Variants in BCAT1 observed in about 807,000 individuals in gnomAD.
The protein encoded by BCAT1 is branched-chain-amino-acid aminotransferase, cytosolic.
A neutral mutation model predicts 52.4 loss-of-function variants in BCAT1; 48 were observed. That is an observed-to-expected ratio of 0.92 (90% CI 0.73 to 1.16). The LOEUF (loss-of-function observed/expected upper bound fraction) is 1.16. Ranked by LOEUF, BCAT1 falls within the 50% of genes most tolerant of loss-of-function variation. The pLI, the probability that BCAT1 is intolerant of heterozygous loss-of-function variation, is 0.00. For missense variants in BCAT1, 451 were observed against 457.1 expected, an observed-to-expected ratio of 0.99 and a Z score of 0.12; for synonymous variants, 167 against 161.3, an observed-to-expected ratio of 1.04 and a Z score of -0.27.
intron 1 of BCAT1, among the ~76,000 whole-genome samples, chr12:24,932,304 T>C (rs1055610779): frequency 1.3e-5 from 2 of 152,188 alleles, no homozygotes; most frequent in Non-Finnish European, 2.9e-5. Flanking sequence ...GTGGCTCCAC[T>C]CCTGAAATCT....
At chr12:24,838,273 A>G (rs1176519377) in intron 7 of BCAT1, among the ~76,000 whole-genome samples, 1 of 152,242 alleles carries the variant, frequency 6.6e-6, no homozygotes, top group Admixed American at 6.5e-5. Context: ...TGAGTAAAAA[A>G]TAAACGAATA....
chr12:24,836,721 G>A (rs371178621), intron 7 of BCAT1, 125 bp from the exon 8 acceptor site: 4 of 734,026 alleles, frequency 5.4e-6, no homozygotes, highest in African/African-American at 3.6e-5. Flanking sequence ...AAATTTTACT[G>A]TTCTGCATGA....
At chr12:24,884,907 T>C (rs1056691401) in intron 3 of BCAT1, among the ~76,000 whole-genome samples, 4 of 152,228 alleles carry the variant, frequency 2.6e-5, no homozygotes, top group African/African-American at 7.2e-5. Context: ...TCTGATTTTT[T>C]AGTTTCCTAG....
At chr12:24,936,844 T>C (rs187038913) in intron 1 of BCAT1, among the ~76,000 whole-genome samples, 36 of 152,200 alleles carry the variant, frequency 2.4e-4, no homozygotes, top group Middle Eastern at 3.4e-3. Flanking sequence ...ACGCTACTGA[T>C]TATATTGGAC....
At chr12:24,947,167 C>CCACA (rs57265449) in intron 1 of BCAT1, among the ~76,000 whole-genome samples, 3,570 of 141,194 alleles carry the variant, frequency 0.025, 42 homozygotes, top group Admixed American at 0.032. Context: ...CGTCTTCCCT[C>CCACA]CACACACACA....
At chr12:24,895,443 T>C (rs940082603) in intron 2 of BCAT1, among the ~76,000 whole-genome samples, 4 of 151,516 alleles carry the variant, frequency 2.6e-5, no homozygotes, top group African/African-American at 9.7e-5. Context: ...GGAAAATCAC[T>C]TGAACCCGGG....
intron 1 of BCAT1, among the ~76,000 whole-genome samples, chr12:24,908,668 G>A (rs951670061): frequency 2.0e-5 from 3 of 152,078 alleles, no homozygotes; most frequent in African/African-American, 7.2e-5. Flanking sequence ...TTGAGCCCAG[G>A]AGGTGGAGGT....
chr12:24,889,480 C>CT (rs1033891484), intron 3 of BCAT1, among the ~76,000 whole-genome samples: 1 of 152,120 alleles, frequency 6.6e-6, no homozygotes, highest in African/African-American at 2.4e-5. Context: ...AAGTGGAGTG[C>CT]TTTTTTCCTC....
chr12:24,909,224 G>A (rs1565495155), intron 1 of BCAT1, among the ~76,000 whole-genome samples: 1 of 152,066 alleles, frequency 6.6e-6, no homozygotes, highest in Non-Finnish European at 1.5e-5. Flanking sequence ...AAAACAAACT[G>A]CACAGCTATT....
intron 1 of BCAT1, among the ~76,000 whole-genome samples, chr12:24,930,872 C>T (rs1275705892): frequency 1.3e-5 from 2 of 148,674 alleles, no homozygotes; most frequent in African/African-American, 2.5e-5. Flanking sequence ...ATGCTCCGCA[C>T]TGAAGCCTCA....
chr12:24,822,930 G>A lies in BCAT1; in HGVS notation c.1120-4881C>T, dbSNP rs138406231. 4.3e-3 allele frequency among the ~76,000 whole-genome samples: 653 copies of A among 152,044 alleles called. 5 individuals carry two copies. The highest frequency in any genetic ancestry group is 0.015 in the African/African-American group (605 of 41,464). On this transcript the variant is annotated intron_variant, in intron 10 of 10. Transcript: ENST00000261192. ...TTATAGAGGGAGTATATAAAGTTAG[G>A]GAGAAAAGGTTTTTTCCCCGTCTCC...
chr12:24,834,122 G>A (rs959955381), intron 8 of BCAT1: 19 of 978,040 alleles, frequency 1.9e-5, no homozygotes, highest in African/African-American at 1.6e-4. Context: ...CACTGTGCAC[G>A]GCTTACCTAT....
intron 1 of BCAT1, among the ~76,000 whole-genome samples, chr12:24,923,562 A>T (rs2139726299): frequency 6.6e-6 from 1 of 152,184 alleles, no homozygotes; most frequent in African/African-American, 2.4e-5. Context: ...GTGCACCACC[A>T]TGCCTGGCTA....
At chr12:24,906,083 C>T (rs1418624336) in intron 1 of BCAT1, among the ~76,000 whole-genome samples, 3 of 151,182 alleles carry the variant, frequency 2.0e-5, no homozygotes, top group Admixed American at 6.6e-5. Context: ...CAGCTACTCA[C>T]GGGATTAAGG....
intron 3 of BCAT1, among the ~76,000 whole-genome samples, chr12:24,887,575 T>TA (rs1942718592): frequency 6.6e-6 from 1 of 152,206 alleles, no homozygotes; most frequent in African/African-American, 2.4e-5. Context: ...AGTAGAAAGA[T>TA]AGAGTTTGTG....
At chr12:24,824,602 A>G (rs1940304628) in intron 10 of BCAT1, among the ~76,000 whole-genome samples, 1 of 152,120 alleles carries the variant, frequency 6.6e-6, no homozygotes, top group Admixed American at 6.6e-5. Flanking sequence ...GCCCACCTAA[A>G]TGTTTTTATT....
chr12:24,870,527 A>G (rs973462683), intron 5 of BCAT1, among the ~76,000 whole-genome samples: 3 of 152,174 alleles, frequency 2.0e-5, no homozygotes, highest in Non-Finnish European at 4.4e-5. Context: ...GTGGGTTTAT[A>G]TTATGAAAGT....
intron 3 of BCAT1, among the ~76,000 whole-genome samples, chr12:24,889,705 T>C (rs1482015794): frequency 6.6e-6 from 1 of 152,158 alleles, no homozygotes; most frequent in Non-Finnish European, 1.5e-5. Flanking sequence ...TAAGATCCTC[T>C]CCAAAGGGGC....
intron 6 of BCAT1, among the ~76,000 whole-genome samples, chr12:24,844,435 AAAAT>A (rs966434140): frequency 7.3e-5 from 11 of 149,784 alleles, no homozygotes; most frequent in Admixed American, 7.2e-4. Context: ...CCGTCTCAAA[AAAAT>A]AAATAAATAA....
Sources: allele counts gnomAD v4.1 joint callset (sites outside exome capture counted in the v4.1 genomes callset), GRCh38; gene constraint gnomAD v4.1.1; transcripts MANE v1.5; gene names NCBI Gene and HGNC (gene_info 2026-07-23, HGNC 2026-07-21).